EGFR: variants seen among roughly 807,000 people sequenced by gnomAD.
The protein encoded by EGFR is avian erythroblastic leukemia viral (v-erb-b) oncogene homolog.
A neutral mutation model predicts 143.0 loss-of-function variants in EGFR; 58 were observed. The observed-to-expected ratio is 0.41, with a 90% CI of 0.33 to 0.50. The LOEUF (loss-of-function observed/expected upper bound fraction) is 0.50. EGFR is among the 20% of genes least tolerant of loss of function. The pLI is 0.39. For synonymous variants in EGFR, 613 were observed against 594.4 expected (o/e 1.03, Z -0.45); for missense variants, 1,307 against 1,579.0 (o/e 0.83, Z 2.92).
At chr7:55,099,778 A>G (rs1178914087) in intron 1 of EGFR, among the ~76,000 whole-genome samples, 2 of 152,104 alleles carry the variant, frequency 1.3e-5, no homozygotes, top group Non-Finnish European at 2.9e-5. Context: ...TGGATTTCAC[A>G]ATCACTTCCA....
intron 19 of EGFR, among the ~76,000 whole-genome samples, chr7:55,175,026 C>T (rs534312004): frequency 6.6e-6 from 1 of 152,306 alleles, no homozygotes; most frequent in African/African-American, 2.4e-5. Context: ...GGTATCCACC[C>T]CAAAAGGCTG....
rs767075090 is a variant in EGFR, at chr7:55,181,326, C to T, written c.2317C>T (p.His773Tyr). ...AYVMASVDNPHVCRLLGICLT... is the reference protein window; with the variant it reads ...AYVMASVDNPYVCRLLGICLT... ...CGTGATGGCCAGCGTGGACAACCCC[C>T]ACGTGTGCCGCCTGCTGGGCATCTG... Residue 773 changes from histidine to tyrosine, a missense_variant, in exon 20 of 28, where the codon CAC becomes TAC. Coordinates refer to ENST00000275493, the MANE Select transcript of EGFR (RefSeq NM_005228.5). 1 of 1,614,208 alleles carries T rather than the reference C, an allele frequency of 6.2e-7. No individual in the cohort carries two copies. Among genetic ancestry groups the T allele is most frequent in the Non-Finnish European group, 8.5e-7 (1 of 1,180,034 alleles).
chr7:55,049,779 G>T (rs976986629), intron 1 of EGFR, among the ~76,000 whole-genome samples: 6 of 152,142 alleles, frequency 3.9e-5, no homozygotes, highest in African/African-American at 1.4e-4. Flanking sequence ...AAGATCAGAG[G>T]AGCACAAATC....
rs121913420 is a variant in EGFR at position 55,174,737 on chromosome 7, G to A, written c.2200G>A (p.Glu734Lys). 1 of 1,613,954 alleles carries A rather than the reference G, an allele frequency of 6.2e-7. No homozygotes were observed. The highest frequency in any genetic ancestry group is 8.5e-7 in the Non-Finnish European group (1 of 1,179,846). Residue 734 changes from glutamate (E) to lysine (K), a missense_variant, in exon 19 of 28, where the codon GAA (glutamate) becomes AAA (lysine). Physicochemically the swap from Glu to Lys is moderately conservative, Grantham distance 56. This residue lies in a region of EGFR where 348 missense variants were observed against 451.5 expected (regional missense o/e 0.77). Coordinates refer to ENST00000275493, the MANE Select transcript of EGFR (RefSeq NM_005228.5). ...TCTGTCATAGGGACTCTGGATCCCA[G>A]AAGGTGAGAAAGTTAAAATTCCCGT... is the stretch of plus-strand genomic sequence containing the variant. ...GTVYKGLWIPEGEKVKIPVAI... is the reference protein window; with the variant it reads ...GTVYKGLWIPKGEKVKIPVAI...
chr7:55,037,273 G>C (rs554488655), intron 1 of EGFR, among the ~76,000 whole-genome samples: 50 of 152,310 alleles, frequency 3.3e-4, no homozygotes, highest in African/African-American at 1.1e-3. Context: ...GCACTGAAAA[G>C]CTGCTGGGTA....
In EGFR at chr7:55,155,831, T is replaced by C. The variant is rs2128937326; in HGVS notation, c.891T>C (p.Arg297=). 1 of 1,613,602 alleles carries C rather than the reference T, an allele frequency of 6.2e-7. No homozygotes were observed. The highest frequency in any genetic ancestry group is 1.6e-4 in the Middle Eastern group (1 of 6,062). Residue 297 remains arginine, a splice_region_variant and synonymous_variant, in exon 8 of 28, where the codon CGT becomes CGC. Coordinates refer to ENST00000275493, the MANE Select transcript of EGFR (RefSeq NM_005228.5). ...FGATCVKKCP[R]NYVVTDHGSC... ...TTCCTTTCATGCTCTCTTCCCCAGGTAATTATGTGGTGACAGATCACGGCT... is the reference window on the plus strand; with the variant it reads ...TTCCTTTCATGCTCTCTTCCCCAGGCAATTATGTGGTGACAGATCACGGCT...
chr7:55,057,892 T>C (rs765741063), intron 1 of EGFR, among the ~76,000 whole-genome samples: 2 of 152,240 alleles, frequency 1.3e-5, no homozygotes, highest in African/African-American at 4.8e-5. Context: ...AAGCACTAAG[T>C]TCATCTCACA....
intron 1 of EGFR, among the ~76,000 whole-genome samples, chr7:55,095,244 C>T (rs1791386802): frequency 6.6e-6 from 1 of 152,184 alleles, no homozygotes; most frequent in African/African-American, 2.4e-5. Context: ...GGCCCTCCAC[C>T]ATGTGACATT....
chr7:55,135,619 C>T (rs1794091501), intron 1 of EGFR, among the ~76,000 whole-genome samples: 1 of 152,090 alleles, frequency 6.6e-6, no homozygotes, highest in Admixed American at 6.6e-5. Context: ...TGATTAAACC[C>T]ACAATGAAAA....
chr7:55,094,870 A>G (rs1791349285), intron 1 of EGFR, among the ~76,000 whole-genome samples: 1 of 152,214 alleles, frequency 6.6e-6, no homozygotes, highest in South Asian at 2.1e-4. Context: ...GAAAGACCCA[A>G]AACAATTTAA....
At chr7:55,148,510 C>T (rs1383067545) in intron 4 of EGFR, among the ~76,000 whole-genome samples, 2 of 152,052 alleles carry the variant, frequency 1.3e-5, no homozygotes, top group African/African-American at 4.8e-5. Context: ...AAAAATAAGA[C>T]AGTAAGAATA....
In EGFR at chr7:55,063,327, A is replaced by AAAT. The variant is rs1301996650; in HGVS notation, c.88+43962_88+43963insAAT. Among the ~76,000 whole-genome samples the AAAT allele has an allele frequency of 2.0e-5, 3 of 152,180 alleles. No individual in the cohort carries two copies. The South Asian group carries it at 6.2e-4, about 32-fold the overall frequency. On this transcript the variant is annotated intron_variant, in intron 1 of 27. Transcript: ENST00000275493. ...ATCCTCTTCCCTGGTGAAGTCATTT[A>AAAT]GGTTCAGGCTCTTATTTTACTTTGG...
chr7:55,041,397 C>T (rs994011097), intron 1 of EGFR, among the ~76,000 whole-genome samples: 76 of 151,770 alleles, frequency 5.0e-4, no homozygotes, highest in African/African-American at 1.7e-3. Context: ...GGCAAAAGAG[C>T]GACACTCCAT....
In EGFR at chr7:55,201,322, C is replaced by G. The variant is rs565720057; in HGVS notation, c.3081C>G (p.Pro1027=). 6.2e-7 allele frequency: 1 copy of G among 1,614,138 alleles called. No individual in the cohort carries two copies. Among genetic ancestry groups the G allele is most frequent in the Non-Finnish European group, 8.5e-7 (1 of 1,180,028 alleles). ...LIPQQGFFSS[P]STSRTPLLSS... is the part of the protein sequence containing the mutation. ...CACAGCAGGGCTTCTTCAGCAGCCC[C>G]TCCACGTCACGGACTCCCCTCCTGA... is the stretch of plus-strand genomic sequence containing the variant. Residue 1027 remains proline (P), a synonymous_variant, in exon 25 of 28, where the codon CCC becomes CCG. Coordinates refer to ENST00000275493, the MANE Select transcript of EGFR (RefSeq NM_005228.5).
At chr7:55,118,521 G>C (rs1318647064) in intron 1 of EGFR, among the ~76,000 whole-genome samples, 1 of 152,198 alleles carries the variant, frequency 6.6e-6, no homozygotes, top group Non-Finnish European at 1.5e-5. Context: ...TGTGTGGAAG[G>C]TTGCCACCTT....
intron 1 of EGFR, among the ~76,000 whole-genome samples, chr7:55,141,461 G>A (rs1192320488): frequency 6.6e-6 from 1 of 152,134 alleles, no homozygotes; most frequent in African/African-American, 2.4e-5. Flanking sequence ...TTGTATGCTG[G>A]TGGTGAGGGA....
At chr7:55,198,104 A>T (rs1023380124) in intron 22 of EGFR, among the ~76,000 whole-genome samples, 1 of 152,178 alleles carries the variant, frequency 6.6e-6, no homozygotes, top group Non-Finnish European at 1.5e-5. Context: ...ATCTTGTAGA[A>T]TTTGGCTATG....
intron 15 of EGFR, chr7:55,170,570 C>A (rs1204872159): frequency 6.2e-7 from 1 of 1,611,750 alleles, no homozygotes; most frequent in African/African-American, 1.3e-5. Flanking sequence ...GTGTCTGTTC[C>A]CCCCGCTTTT....
chr7:55,113,405 T>C (rs994815598), intron 1 of EGFR, among the ~76,000 whole-genome samples: 1 of 152,208 alleles, frequency 6.6e-6, no homozygotes, highest in African/African-American at 2.4e-5. Flanking sequence ...CCTTCTTTTT[T>C]TTCCCAGGTG....
Sources: allele counts gnomAD v4.1 joint callset (sites outside exome capture counted in the v4.1 genomes callset), GRCh38; gene constraint gnomAD v4.1.1; regional missense constraint gnomAD v4.1.1; transcripts MANE v1.5; gene names NCBI Gene and HGNC (gene_info 2026-07-23, HGNC 2026-07-21).